BMPR2: variants seen among roughly 807,000 people sequenced by gnomAD.
BMPR2 encodes bone morphogenetic protein receptor type-2.
A neutral mutation model predicts 100.8 loss-of-function variants in BMPR2; 29 were observed. The observed-to-expected ratio is 0.29, with a 90% CI of 0.21 to 0.39. The LOEUF is 0.39. Among genes scored for constraint, BMPR2 ranks in the 10% least tolerant of loss-of-function variants. BMPR2 has a pLI of 1.00. For missense variants in BMPR2, 1,011 were observed against 1,274.5 expected (o/e 0.79, Z 3.15); for synonymous variants, 382 against 442.3 (o/e 0.86, Z 1.71).
At chr2:202,497,071 G>A (rs1028755949) in intron 3 of BMPR2, among the ~76,000 whole-genome samples, 1 of 152,234 alleles carries the variant, frequency 6.6e-6, no homozygotes, top group South Asian at 2.1e-4. Context: ...GCTGCGGGGG[G>A]TGCACTGGGT....
intron 1 of BMPR2, among the ~76,000 whole-genome samples, chr2:202,417,830 C>T (rs1486959212): frequency 1.3e-5 from 2 of 150,832 alleles, no homozygotes; most frequent in African/African-American, 2.4e-5. Context: ...GCCATTCTTC[C>T]GCCTCAGCCT....
chr2:202,540,242 A>T lies in BMPR2; in HGVS notation c.1277-2069A>T, dbSNP rs957340036. 3.3e-5 allele frequency among the ~76,000 whole-genome samples: 5 copies of T among 152,296 alleles called. No individual in the cohort carries two copies. In the East Asian group the frequency reaches 5.8e-4, roughly 18 times the overall value. ...TCTACTAAACCAGCATTTGAAAAAA[A>T]AATAATAAATAACACTTGGAAGGTA... On this transcript the variant is annotated intron_variant, in intron 9 of 12. Coordinates refer to ENST00000374580, the MANE Select transcript of BMPR2 (RefSeq NM_001204.7).
intron 9 of BMPR2, among the ~76,000 whole-genome samples, chr2:202,534,884 G>A (rs1187571432): frequency 6.4e-4 from 94 of 146,170 alleles, no homozygotes; most frequent in African/African-American, 2.0e-3. Flanking sequence ...CGGACGGGGC[G>A]GCTGGCCGGG....
At position 202,566,494 on chromosome 2, in the gene BMPR2, A is replaced by G. The variant is rs571664798; in HGVS notation, c.*6548A>G. 1 of 152,626 alleles carries G rather than the reference A, an allele frequency of 6.6e-6. No homozygotes were observed. Among genetic ancestry groups the G allele is most frequent in the East Asian group, 1.9e-4 (1 of 5,194 alleles). The allele number at this position is 152,626 out of a possible 1,614,324, so 9.5% of individuals were successfully genotyped here. A position where few individuals can be genotyped will look rare whatever the true frequency, so the allele number is the denominator to read the frequency against. ...GGGAATGACTCAACTAATTGGCTAC[A>G]TGTTGCAACAAATTTAGGCCTTTAG... On this transcript the variant is annotated 3_prime_UTR_variant, in exon 13 of 13. Transcript: ENST00000374580.
At chr2:202,527,380 C>A (rs567615687) in intron 7 of BMPR2, among the ~76,000 whole-genome samples, 3 of 151,466 alleles carry the variant, frequency 2.0e-5, no homozygotes, top group African/African-American at 7.3e-5. Context: ...CCCAGCTACT[C>A]GGTAGGCTGA....
chr2:202,394,592 G>A (rs1690621844), intron 1 of BMPR2, among the ~76,000 whole-genome samples: 1 of 151,992 alleles, frequency 6.6e-6, no homozygotes, highest in Non-Finnish European at 1.5e-5. Flanking sequence ...TATTTTTCCT[G>A]TTTTAGAGTT....
Position 202,544,761 on chromosome 2 carries a change from C to CTTT in BMPR2, c.1413+2333_1413+2335dup, listed in dbSNP as rs56654364. On this transcript the variant is annotated intron_variant, in intron 10 of 12. Coordinates refer to ENST00000374580, the MANE Select transcript of BMPR2 (RefSeq NM_001204.7). ...GGAATTTTCTTTTTTCTTTTTCTTTCTTTTTTTTTTTTTTTTTTTTTGAGA... is the reference window on the plus strand; with the variant it reads ...GGAATTTTCTTTTTTCTTTTTCTTTCTTTTTTTTTTTTTTTTTTTTTTTTGAGA... Among the ~76,000 whole-genome samples, 164 of 82,192 alleles carry CTTT rather than the reference C, an allele frequency of 2.0e-3. 1 individual carries two copies. Among genetic ancestry groups the CTTT allele is most frequent in the East Asian group, 3.2e-3 (10 of 3,170 alleles). 53.9% of individuals were successfully genotyped at this position (82,192 alleles called of 152,430 possible).
At chr2:202,492,225 T>C (rs866963279) in intron 3 of BMPR2, among the ~76,000 whole-genome samples, 10 of 152,034 alleles carry the variant, frequency 6.6e-5, no homozygotes, top group Admixed American at 3.3e-4. Context: ...TAGGAGACTT[T>C]TGGGACCCTT....
At chr2:202,401,882 A>G (rs1438045399) in intron 1 of BMPR2, among the ~76,000 whole-genome samples, 1 of 152,228 alleles carries the variant, frequency 6.6e-6, no homozygotes, top group Non-Finnish European at 1.5e-5. Flanking sequence ...GTTCTGTATG[A>G]TGCAGTAAAA....
In BMPR2 at chr2:202,440,405, G is replaced by A. The variant is rs955343403; in HGVS notation, c.77-24404G>A. 4.0e-5 allele frequency among the ~76,000 whole-genome samples: 6 copies of A among 149,624 alleles called. 1 individual carries two copies. Among genetic ancestry groups the A allele is most frequent in the African/African-American group, 1.5e-4 (6 of 39,160 alleles). ...CAGAGGCGCTCCCCACATCTCAGAC[G>A]ATGGGCAGCCGGGCAGAGACGCTCC... On this transcript the variant is annotated intron_variant, in intron 1 of 12. Coordinates refer to ENST00000374580, the MANE Select transcript of BMPR2 (RefSeq NM_001204.7).
intron 1 of BMPR2, among the ~76,000 whole-genome samples, chr2:202,397,391 A>G (rs1469982577): frequency 6.6e-6 from 1 of 152,176 alleles, no homozygotes; most frequent in African/African-American, 2.4e-5. Flanking sequence ...AACTTGATCT[A>G]TAGTCTCACT....
At chr2:202,439,933 T>A (rs1691698274) in intron 1 of BMPR2, among the ~76,000 whole-genome samples, 1 of 150,172 alleles carries the variant, frequency 6.7e-6, no homozygotes, top group Admixed American at 6.6e-5. Context: ...TACTTGAGAT[T>A]AGGGAGTTCA....
At chr2:202,553,030 T>C in intron 11 of BMPR2, 142 bp downstream of exon 11, 1 of 1,144,594 alleles carries the variant, frequency 8.7e-7, no homozygotes, top group East Asian at 2.6e-5. Flanking sequence ...TTTCTTTCAA[T>C]ATTCCTATTC....
rs1169111245 is a variant in BMPR2, at chr2:202,376,359, C to A, written c.-1116C>A. On this transcript the variant is annotated 5_prime_UTR_variant, in exon 1 of 13. Transcript: ENST00000374580. ...CCCTTTGTGTCTGGTCTGCTCGGAG[C>A]CACTGGAAGTGCCTCCCGGAGGGAC... is the stretch of plus-strand genomic sequence containing the variant. Among the ~76,000 whole-genome samples, 1 of 147,942 alleles carries A rather than the reference C, an allele frequency of 6.8e-6. No homozygotes were observed. Among genetic ancestry groups the A allele is most frequent in the Non-Finnish European group, 1.5e-5 (1 of 66,822 alleles).
chr2:202,541,674 AT>A lies in BMPR2; in HGVS notation c.1277-635del, dbSNP rs139360200. ...TCAGTGTTCAGGCATGTTTTCAAGT[AT>A]TAAGTATGCCTTATAAACATAATAG... On this transcript the variant is annotated intron_variant, in intron 9 of 12. Coordinates refer to ENST00000374580, the MANE Select transcript of BMPR2 (RefSeq NM_001204.7). Among the ~76,000 whole-genome samples the A allele has an allele frequency of 5.1e-3, 772 of 152,332 alleles. 11 individuals are homozygous for A. Among genetic ancestry groups the A allele is most frequent in the African/African-American group, 0.018 (738 of 41,576 alleles).
intron 1 of BMPR2, among the ~76,000 whole-genome samples, chr2:202,416,463 G>T (rs529481106): frequency 1.4e-4 from 20 of 142,630 alleles, no homozygotes; most frequent in Non-Finnish European, 2.6e-4. Context: ...GTCTTGCTCT[G>T]TCGCTAGGCT....
At chr2:202,507,339 G>T (rs547881940) in intron 3 of BMPR2, among the ~76,000 whole-genome samples, 240 of 152,274 alleles carry the variant, frequency 1.6e-3, no homozygotes, top group Non-Finnish European at 2.6e-3. Context: ...TTACTAAGAT[G>T]GGAATAAAAT....
In BMPR2 at chr2:202,473,698, C is replaced by T. The variant is rs377391778; in HGVS notation, c.418+6009C>T. 2.1e-4 allele frequency among the ~76,000 whole-genome samples: 31 copies of T among 150,734 alleles called. 1 individual carries two copies. The East Asian group carries it at 2.2e-3, about 11-fold the overall frequency. On this transcript the variant is annotated intron_variant, in intron 3 of 12. Transcript: ENST00000374580. ...CCCACCTATTCGGGAGGCTGAGGCA[C>T]GAGAATCGCTTGAACCCAGGAGGCG...
At chr2:202,474,270 A>G (rs1255485744) in intron 3 of BMPR2, among the ~76,000 whole-genome samples, 1 of 151,948 alleles carries the variant, frequency 6.6e-6, no homozygotes, top group African/African-American at 2.4e-5. Context: ...CCTGGCCTAT[A>G]TGACGAAACC....
Sources: gnomAD v4.1 joint callset for allele counts (sites outside exome capture counted in the v4.1 genomes callset) on GRCh38, gnomAD v4.1.1 for gene constraint, MANE v1.5 for transcripts, NCBI Gene and HGNC (gene_info 2026-07-23, HGNC 2026-07-21) for gene names.